Variants in ELOVL6 observed in about 807,000 individuals in gnomAD.
ELOVL6 encodes ELOVL fatty acid elongase 6.
ELOVL6 carries 8 observed loss-of-function variants against 31.7 expected under a neutral mutation model. The observed-to-expected ratio is 0.25, with a 90% CI of 0.15 to 0.45. The LOEUF (loss-of-function observed/expected upper bound fraction) is 0.45. Among genes scored for constraint, ELOVL6 ranks in the 20% least tolerant of loss-of-function variants. The pLI is 1.00. For missense variants in ELOVL6, 126 were observed against 326.4 expected, an observed-to-expected ratio of 0.39 and a Z score of 4.73; for synonymous variants, 101 against 117.7, an observed-to-expected ratio of 0.86 and a Z score of 0.92.
At chr4:110,137,020 A>G (rs979103779) in intron 1 of ELOVL6, among the ~76,000 whole-genome samples, 4 of 152,216 alleles carry the variant, frequency 2.6e-5, no homozygotes, top group Non-Finnish European at 5.9e-5. Context: ...ACTACCAAAC[A>G]TATATCAAAG....
chr4:110,182,904 G>A (rs775938782), intron 1 of ELOVL6, among the ~76,000 whole-genome samples: 26 of 151,062 alleles, frequency 1.7e-4, no homozygotes, highest in Non-Finnish European at 2.9e-4. Context: ...ACAAAACTCC[G>A]TCTCAAAAAA....
At chr4:110,145,088 T>C (rs1288362698) in intron 1 of ELOVL6, among the ~76,000 whole-genome samples, 1 of 150,612 alleles carries the variant, frequency 6.6e-6, no homozygotes, top group Non-Finnish European at 1.5e-5. Context: ...TGGCTCAAGG[T>C]GGAAAGGGAT....
At chr4:110,186,861 A>T (rs1382181932) in intron 1 of ELOVL6, among the ~76,000 whole-genome samples, 1 of 144,212 alleles carries the variant, frequency 6.9e-6, no homozygotes, top group Admixed American at 7.0e-5. Context: ...ATATACACAC[A>T]CAAATATATA....
intron 3 of ELOVL6, among the ~76,000 whole-genome samples, chr4:110,059,214 A>T (rs917023672): frequency 2.7e-4 from 41 of 152,140 alleles, no homozygotes; most frequent in Non-Finnish European, 4.1e-4. Context: ...CTAACTCTAC[A>T]GATGAAAGTA....
intron 1 of ELOVL6, among the ~76,000 whole-genome samples, chr4:110,122,295 G>C (rs1757378386): frequency 6.6e-6 from 1 of 152,050 alleles, no homozygotes; most frequent in African/African-American, 2.4e-5. Flanking sequence ...AATATGAATG[G>C]CATTAATATT....
intron 3 of ELOVL6, among the ~76,000 whole-genome samples, chr4:110,056,936 C>T (rs191698626): frequency 3.9e-4 from 59 of 152,234 alleles, no homozygotes; most frequent in African/African-American, 1.3e-3. Flanking sequence ...ACATCATCAG[C>T]ATCAACACAA....
At chr4:110,196,849 C>A (rs1259682063) in intron 1 of ELOVL6, among the ~76,000 whole-genome samples, 6 of 152,144 alleles carry the variant, frequency 3.9e-5, no homozygotes, top group Admixed American at 2.0e-4. Context: ...CCGGACCAGC[C>A]CGCGGGAAGC....
chr4:110,156,086 G>C (rs1431045676), intron 1 of ELOVL6, among the ~76,000 whole-genome samples: 1 of 152,166 alleles, frequency 6.6e-6, no homozygotes, highest in Non-Finnish European at 1.5e-5. Context: ...ACAAATAAAG[G>C]AATAGAAAAT....
chr4:110,056,308 G>A (rs1035306168), intron 3 of ELOVL6, among the ~76,000 whole-genome samples: 4 of 151,866 alleles, frequency 2.6e-5, no homozygotes, highest in Admixed American at 6.6e-5. Flanking sequence ...AAATAGTAGC[G>A]ACAAGATTTT....
At chr4:110,113,245 G>T (rs1346018702) in intron 1 of ELOVL6, among the ~76,000 whole-genome samples, 1 of 109,040 alleles carries the variant, frequency 9.2e-6, no homozygotes, top group East Asian at 3.0e-4. Context: ...AAAAAAAAAA[G>T]AGGAAAGCTT....
intron 3 of ELOVL6, among the ~76,000 whole-genome samples, chr4:110,054,032 C>T (rs192355736): frequency 1.2e-4 from 18 of 152,026 alleles, no homozygotes; most frequent in Non-Finnish European, 2.4e-4. Context: ...CCTGGGGAGG[C>T]GGAGGTTGCA....
intron 2 of ELOVL6, 110 bp downstream of exon 2, chr4:110,105,387 C>G: frequency 8.7e-7 from 1 of 1,155,844 alleles, no homozygotes; most frequent in Non-Finnish European, 1.2e-6. Flanking sequence ...ATGTCCTCAT[C>G]ATATTCAATA....
At chr4:110,182,818 G>C (rs1759327593) in intron 1 of ELOVL6, among the ~76,000 whole-genome samples, 1 of 152,118 alleles carries the variant, frequency 6.6e-6, no homozygotes, top group Non-Finnish European at 1.5e-5. Context: ...TGAGGCAGGA[G>C]AATCACTTGA....
At chr4:110,075,684 C>T (rs1297802716) in intron 2 of ELOVL6, among the ~76,000 whole-genome samples, 1 of 152,036 alleles carries the variant, frequency 6.6e-6, no homozygotes, top group Non-Finnish European at 1.5e-5. Flanking sequence ...AAATTGGTTG[C>T]ACAACAATGA....
At chr4:110,091,464 G>T (rs1756425400) in intron 2 of ELOVL6, among the ~76,000 whole-genome samples, 1 of 152,150 alleles carries the variant, frequency 6.6e-6, no homozygotes, top group South Asian at 2.1e-4. Context: ...TGGAAAGTTA[G>T]TTTCTTTTTC....
chr4:110,193,221 T>C (rs903530396), intron 1 of ELOVL6, among the ~76,000 whole-genome samples: 6 of 152,264 alleles, frequency 3.9e-5, no homozygotes, highest in Admixed American at 2.6e-4. Flanking sequence ...AGGTTTTTAG[T>C]GCTTTTTATG....
At chr4:110,098,944 C>T (rs1354101591) in intron 2 of ELOVL6, among the ~76,000 whole-genome samples, 4 of 151,992 alleles carry the variant, frequency 2.6e-5, no homozygotes, top group Admixed American at 2.0e-4. Flanking sequence ...TTTTGGCAAC[C>T]ATAGGAAAAA....
intron 2 of ELOVL6, among the ~76,000 whole-genome samples, chr4:110,104,076 G>A (rs1216844146): frequency 1.3e-5 from 2 of 152,158 alleles, no homozygotes; most frequent in African/African-American, 2.4e-5. Context: ...ACCAAGGTAG[G>A]GGTTGCAGGG....
At chr4:110,181,714 T>C (rs1759280004) in intron 1 of ELOVL6, among the ~76,000 whole-genome samples, 1 of 152,218 alleles carries the variant, frequency 6.6e-6, no homozygotes, top group Admixed American at 6.5e-5. Flanking sequence ...ACCTTCTCCA[T>C]CTTTCTTCTC....
Sources: allele counts gnomAD v4.1 joint callset (sites outside exome capture counted in the v4.1 genomes callset), GRCh38; gene constraint gnomAD v4.1.1; transcripts MANE v1.5; gene names NCBI Gene and HGNC (gene_info 2026-07-23, HGNC 2026-07-21).